RAPGEF3: variants seen among roughly 807,000 people sequenced by gnomAD.
RAPGEF3 encodes 9330170P05Rik.
In RAPGEF3, 103 loss-of-function variants were observed where a neutral mutation model predicts 129.8. The observed-to-expected ratio is 0.79, with a 90% CI of 0.68 to 0.93. The LOEUF is 0.93. Ranked by LOEUF, RAPGEF3 falls within the 40% of genes least tolerant of loss-of-function variation. RAPGEF3 has a pLI of 0.00. For missense variants in RAPGEF3, 1,117 were observed against 1,207.4 expected (o/e 0.93, Z 1.11); for synonymous variants, 436 against 482.6 (o/e 0.90, Z 1.26).
chr12:47,746,490 G>A (rs1010104789), intron 16 of RAPGEF3: 15 of 583,462 alleles, frequency 2.6e-5, no homozygotes, highest in Admixed American at 7.4e-5. Context: ...GAGGGGCCTC[G>A]CCTTCCTCTG....
At position 47,749,727 on chromosome 12, in the gene RAPGEF3, G is replaced by C; in HGVS notation, c.894+14C>G. ...GGACCCAGGGCACTGGGGTGGGGAG[G>C]AGGGAGGGCTCACCTTGCCATGGGT... On this transcript the variant is annotated intron_variant, in intron 9 of 27. Coordinates refer to ENST00000449771, the MANE Select transcript of RAPGEF3 (RefSeq NM_001098531.4). This position sits in a 1 kb window ranked among gnomAD's most constrained non-coding sequence, Gnocchi z 4.5. The C allele has an allele frequency of 3.1e-6, 5 of 1,614,068 alleles. No individual in the cohort carries two copies. Among genetic ancestry groups the C allele is most frequent in the Non-Finnish European group, 4.2e-6 (5 of 1,179,946 alleles).
chr12:47,741,272 G>T, intron 19 of RAPGEF3: 1 of 681,932 alleles, frequency 1.5e-6, no homozygotes, highest in Non-Finnish European at 2.4e-6. Flanking sequence ...AACTAGGGCA[G>T]GTCCTCCTCT....
intron 16 of RAPGEF3, chr12:47,745,849 TGAGCGTCAGCCAA>T (rs2136767896): frequency 6.6e-6 from 1 of 152,540 alleles, no homozygotes; most frequent in Non-Finnish European, 1.5e-5. Flanking sequence ...CATCAGTTTC[TGAGCGTCAGCCAA>T]GAGCCAGGCA....
Position 47,749,902 on chromosome 12 carries a change from C to A in RAPGEF3, c.817+28G>T, listed in dbSNP as rs1223469429. On this transcript the variant is annotated intron_variant, in intron 8 of 27. Coordinates refer to ENST00000449771, the MANE Select transcript of RAPGEF3 (RefSeq NM_001098531.4). This position sits in a 1 kb window ranked among gnomAD's most constrained non-coding sequence, Gnocchi z 4.5. ...TTCTGCCCATGTCCAGGCCCTGTGC[C>A]TGGCTTCTTATGCCCTGCTGGACTT... 6.2e-7 allele frequency: 1 copy of A among 1,614,092 alleles called. No homozygotes were observed. Among genetic ancestry groups the A allele is most frequent in the Non-Finnish European group, 8.5e-7 (1 of 1,180,014 alleles).
At position 47,737,334 on chromosome 12, in the gene RAPGEF3, C is replaced by G. The variant is rs1443627505; in HGVS notation, c.*233G>C. On this transcript the variant is annotated 3_prime_UTR_variant, in exon 28 of 28. Coordinates refer to ENST00000449771, the MANE Select transcript of RAPGEF3 (RefSeq NM_001098531.4). ...CCCACTCCTGGGGCCTCTCTGTCCT[C>G]CCTTCCTTGGCCTTGGGTCATTCGT... 6 of 550,016 alleles carry G rather than the reference C, an allele frequency of 1.1e-5. No homozygotes were observed. Among genetic ancestry groups the G allele is most frequent in the Non-Finnish European group, 2.0e-5 (6 of 306,606 alleles). The allele number at this position is 550,016 out of a possible 1,614,324, so 34.1% of individuals were successfully genotyped here. A position where few individuals can be genotyped will look rare whatever the true frequency, so the allele number is the denominator to read the frequency against.
intron 2 of RAPGEF3, chr12:47,752,560 G>A (rs1941816586): frequency 6.4e-6 from 1 of 157,294 alleles, no homozygotes; most frequent in Non-Finnish European, 1.4e-5. Flanking sequence ...GATGGCAGAT[G>A]TGACCTGAAA....
chr12:47,749,037 G>A lies in RAPGEF3; in HGVS notation c.1042-106C>T. The A allele has an allele frequency of 1.0e-6, 1 of 968,088 alleles. No homozygotes were observed. The highest frequency in any genetic ancestry group is 1.6e-6 in the Non-Finnish European group (1 of 623,412). 60.0% of individuals were successfully genotyped at this position (968,088 alleles called of 1,614,324 possible). A position where few individuals can be genotyped will look rare whatever the true frequency, so the allele number is the denominator to read the frequency against. ...CCTGAGCCCCATGAGGGTCCCACAG[G>A]GACCCACAGCCCTTCTCCCACCTCC... On this transcript the variant is annotated intron_variant, in intron 10 of 27. Transcript: ENST00000449771. The surrounding 1 kb of genome is among the most constrained non-coding windows in gnomAD (Gnocchi z 4.5).
In RAPGEF3 at chr12:47,749,039, A is replaced by T. The variant is rs1257207085; in HGVS notation, c.1042-108T>A. ...TGAGCCCCATGAGGGTCCCACAGGG[A>T]CCCACAGCCCTTCTCCCACCTCCGA... On this transcript the variant is annotated intron_variant, in intron 10 of 27. Transcript: ENST00000449771. The surrounding 1 kb of genome is among the most constrained non-coding windows in gnomAD (Gnocchi z 4.5). 2.6e-5 allele frequency: 24 copies of T among 935,278 alleles called. No homozygotes were observed. Among genetic ancestry groups the T allele is most frequent in the Non-Finnish European group, 3.7e-5 (22 of 599,418 alleles). The allele number at this position is 935,278 out of a possible 1,614,324, so 57.9% of individuals were successfully genotyped here. A position where few individuals can be genotyped will look rare whatever the true frequency, so the allele number is the denominator to read the frequency against.
chr12:47,757,630 C>T (rs1394821759), intron 2 of RAPGEF3, among the ~76,000 whole-genome samples: 2 of 152,196 alleles, frequency 1.3e-5, no homozygotes, highest in Non-Finnish European at 2.9e-5. Flanking sequence ...TCCCCTTCCC[C>T]CCATGCCCAA....
chr12:47,747,569 A>G lies in RAPGEF3; in HGVS notation c.1531T>C (p.Trp511Arg), dbSNP rs1941491207. 1 of 1,613,926 alleles carries G rather than the reference A, an allele frequency of 6.2e-7. No homozygotes were observed. Among genetic ancestry groups the G allele is most frequent in the African/African-American group, 1.3e-5 (1 of 74,944 alleles). ...CTGTGGCATCGCCGCCTCTCTGGCCACTGCTCCCTCAGCAGGTTGCTGAGT... is the reference window on the plus strand; with the variant it reads ...CTGTGGCATCGCCGCCTCTCTGGCCGCTGCTCCCTCAGCAGGTTGCTGAGT... ...TRLSNLLREQ[W>R]PERRRCHRLE... Residue 511 changes from tryptophan to arginine, a missense_variant, in exon 15 of 28, where the codon TGG becomes CGG. Coordinates refer to ENST00000449771, the MANE Select transcript of RAPGEF3 (RefSeq NM_001098531.4).
chr12:47,744,398 A>G (rs1362847150), intron 16 of RAPGEF3: 5 of 329,462 alleles, frequency 1.5e-5, no homozygotes, highest in Non-Finnish European at 2.8e-5. Context: ...TCCTCCAGCT[A>G]CCATTTGCTA....
intron 16 of RAPGEF3, chr12:47,746,419 C>T (rs1941420241): frequency 1.9e-6 from 1 of 525,818 alleles, no homozygotes; most frequent in Non-Finnish European, 3.3e-6. Context: ...TTCTCATCCC[C>T]TCTTTGCTTC....
chr12:47,751,716 C>T lies in RAPGEF3; in HGVS notation c.380+7G>A. On this transcript the variant is annotated splice_region_variant and intron_variant, in intron 4 of 27. Coordinates refer to ENST00000449771, the MANE Select transcript of RAPGEF3 (RefSeq NM_001098531.4). ...CTGGGCAAGGAGGCAGCAGGGCCTC[C>T]ACTCACCGATAGAGCCTAAGGTGGT... 6.2e-7 allele frequency: 1 copy of T among 1,612,248 alleles called. No homozygotes were observed. Among genetic ancestry groups the T allele is most frequent in the Non-Finnish European group, 8.5e-7 (1 of 1,179,872 alleles).
At chr12:47,743,932 C>A (rs1426256289) in intron 17 of RAPGEF3, 55 bp downstream of exon 17, 1 of 1,516,570 alleles carries the variant, frequency 6.6e-7, no homozygotes, top group Non-Finnish European at 9.1e-7. Context: ...ACAAGAGAGG[C>A]AGAGACAGCA....
chr12:47,740,410 C>T lies in RAPGEF3; in HGVS notation c.2232-15G>A, dbSNP rs1235078146. ...GCTCCTTGAGGCTGTGAGCAGAAGA[C>T]CCAGAGACCCTCAGGGTAAGGGAAG... On this transcript the variant is annotated splice_polypyrimidine_tract_variant and intron_variant, in intron 21 of 27. Coordinates refer to ENST00000449771, the MANE Select transcript of RAPGEF3 (RefSeq NM_001098531.4). The T allele has an allele frequency of 6.2e-7, 1 of 1,612,060 alleles. No homozygotes were observed. The highest frequency in any genetic ancestry group is 8.5e-7 in the Non-Finnish European group (1 of 1,178,662).
chr12:47,754,396 G>A (rs1941932801), intron 2 of RAPGEF3, among the ~76,000 whole-genome samples: 1 of 152,224 alleles, frequency 6.6e-6, no homozygotes, highest in Non-Finnish European at 1.5e-5. Flanking sequence ...TTGTGTGCCT[G>A]CCAACCTTCT....
At chr12:47,751,284 T>G in intron 5 of RAPGEF3, 68 bp from the exon 6 acceptor site, 1 of 1,553,718 alleles carries the variant, frequency 6.4e-7, no homozygotes, top group Non-Finnish European at 8.7e-7. Flanking sequence ...GAAACCCCAC[T>G]GCGATGCCAC....
In RAPGEF3 at chr12:47,737,765, A is replaced by G; in HGVS notation, c.2654-80T>C. 4 of 1,358,796 alleles carry G rather than the reference A, an allele frequency of 2.9e-6. No individual in the cohort carries two copies. The South Asian group carries it at 3.6e-5, about 12-fold the overall frequency. 84.2% of individuals were successfully genotyped at this position (1,358,796 alleles called of 1,614,324 possible). A position where few individuals can be genotyped will look rare whatever the true frequency, so the allele number is the denominator to read the frequency against. Reference sequence around the variant, plus strand: ...TTTCCCCTCCAAGGAGCCATATCACATCTGCCTTCTTGCCCTCCACCACCC... The same window carrying G: ...TTTCCCCTCCAAGGAGCCATATCACGTCTGCCTTCTTGCCCTCCACCACCC... On this transcript the variant is annotated intron_variant, in intron 27 of 27. Coordinates refer to ENST00000449771, the MANE Select transcript of RAPGEF3 (RefSeq NM_001098531.4).
chr12:47,751,886 G>A, intron 3 of RAPGEF3, 30 bp downstream of exon 3: 1 of 1,614,050 alleles, frequency 6.2e-7, no homozygotes, highest in Non-Finnish European at 8.5e-7. Context: ...GGTGCTGCCT[G>A]TCCCAGCTCC....
Sources: gnomAD v4.1 joint callset for allele counts (sites outside exome capture counted in the v4.1 genomes callset) on GRCh38, gnomAD v4.1.1 for gene constraint, Gnocchi (gnomAD v3.1) non-coding constraint, MANE v1.5 for transcripts, NCBI Gene and HGNC (gene_info 2026-07-23, HGNC 2026-07-21) for gene names.